Variants in NR2C2 observed in about 807,000 individuals in gnomAD.
NR2C2 encodes the protein nuclear receptor subfamily 2 group C member 2, also known as Nuclear hormone receptor TR4.
In NR2C2, 6 loss-of-function variants were observed where a neutral mutation model predicts 62.9. That is an observed-to-expected ratio of 0.10 (90% CI 0.05 to 0.19). The LOEUF (loss-of-function observed/expected upper bound fraction) is 0.19. Among genes scored for constraint, NR2C2 ranks in the 10% least tolerant of loss-of-function variants. The pLI, the probability that NR2C2 is intolerant of heterozygous loss-of-function variation, is 1.00. For missense variants in NR2C2, 479 were observed against 762.7 expected (o/e 0.63, Z 4.38); for synonymous variants, 272 against 273.8 (o/e 0.99, Z 0.07).
At chr3:15,042,220 A>C (rs1349629878) in intron 13 of NR2C2, among the ~76,000 whole-genome samples, 1 of 152,064 alleles carries the variant, frequency 6.6e-6, no homozygotes, top group Non-Finnish European at 1.5e-5. Flanking sequence ...ATTGTGGTGC[A>C]CCCTCCACCC....
Position 15,046,668 on chromosome 3 carries a change from G to C in NR2C2, c.*3660G>C, listed in dbSNP as rs749729709. The stretch of plus-strand genomic sequence containing the variant: ...CACTTTCCAGTGTAAATGACTTTAT[G>C]TGCAATGGGGTCATAGGTAACATTT... On this transcript the variant is annotated 3_prime_UTR_variant, in exon 14 of 14. Coordinates refer to ENST00000425241, the MANE Select transcript of NR2C2 (RefSeq NM_001291694.2). 2.6e-5 allele frequency: 4 copies of C among 152,360 alleles called. No homozygotes were observed. Among genetic ancestry groups the C allele is most frequent in the Non-Finnish European group, 4.4e-5 (3 of 68,052 alleles). The allele number at this position is 152,360 out of a possible 1,614,324, so 9.4% of individuals were successfully genotyped here.
chr3:15,019,107 T>G (rs1251929599), intron 4 of NR2C2, among the ~76,000 whole-genome samples: 1 of 150,052 alleles, frequency 6.7e-6, no homozygotes, highest in African/African-American at 2.5e-5. Context: ...ACACCTATAA[T>G]TCCAGCTACT....
chr3:15,015,351 G>A (rs7635580), intron 3 of NR2C2, among the ~76,000 whole-genome samples: 10,900 of 152,128 alleles, frequency 0.072, 429 homozygotes, highest in Middle Eastern at 0.099. Context: ...AATTGCTGTC[G>A]CCTAGAAAAT....
chr3:14,974,769 AATTTTTGT>A (rs1398994508), intron 1 of NR2C2, among the ~76,000 whole-genome samples: 17 of 152,108 alleles, frequency 1.1e-4, no homozygotes, highest in Admixed American at 1.0e-3. Flanking sequence ...ATGCCCGGCT[AATTTTTGT>A]ATTTTTACTA....
intron 2 of NR2C2, among the ~76,000 whole-genome samples, chr3:15,006,054 A>G (rs2041164933): frequency 6.6e-6 from 1 of 151,986 alleles, no homozygotes; most frequent in Non-Finnish European, 1.5e-5. Flanking sequence ...AAAAAACTAA[A>G]AAATTAGCCA....
At chr3:14,998,697 G>T (rs898604741) in intron 1 of NR2C2, among the ~76,000 whole-genome samples, 1 of 151,798 alleles carries the variant, frequency 6.6e-6, no homozygotes, top group Non-Finnish European at 1.5e-5. Flanking sequence ...TTCCTTGATG[G>T]TGTCTTTTGA....
intron 2 of NR2C2, among the ~76,000 whole-genome samples, chr3:15,008,804 C>G (rs1454118140): frequency 1.3e-5 from 2 of 152,136 alleles, no homozygotes; most frequent in Admixed American, 1.3e-4. Flanking sequence ...GTGATGAAAA[C>G]CACAGGACTG....
At chr3:14,978,636 T>C (rs570159855) in intron 1 of NR2C2, among the ~76,000 whole-genome samples, 2 of 152,246 alleles carry the variant, frequency 1.3e-5, no homozygotes, top group East Asian at 3.9e-4. Context: ...TGCCAGTCTT[T>C]TTGTCCTTGC....
intron 1 of NR2C2, among the ~76,000 whole-genome samples, chr3:14,989,141 G>C (rs78055401): frequency 6.6e-6 from 1 of 152,146 alleles, no homozygotes; most frequent in African/African-American, 2.4e-5. Flanking sequence ...AGGTGCTCTT[G>C]TCTCAAAGCC....
intron 1 of NR2C2, among the ~76,000 whole-genome samples, chr3:14,998,720 ATTAAT>A (rs1025494266): frequency 6.6e-6 from 1 of 152,142 alleles, no homozygotes; most frequent in Non-Finnish European, 1.5e-5. Context: ...CACAAAACTC[ATTAAT>A]TTGAGTTCAG....
At chr3:14,964,594 A>C (rs1254810582) in intron 1 of NR2C2, among the ~76,000 whole-genome samples, 1 of 151,602 alleles carries the variant, frequency 6.6e-6, no homozygotes, top group East Asian at 1.9e-4. Context: ...GGCTCACTGC[A>C]AGCTCTGCTT....
At chr3:14,958,340 C>CT (rs796559223) in intron 1 of NR2C2, among the ~76,000 whole-genome samples, 2,552 of 145,478 alleles carry the variant, frequency 0.018, 66 homozygotes, top group African/African-American at 0.058. Flanking sequence ...TTCTGTAGCA[C>CT]TTTTTTTTTT....
rs912854745 is a variant in NR2C2, at chr3:15,032,302, C to T, written c.1111-77C>T. On this transcript the variant is annotated intron_variant, in intron 9 of 13. Transcript: ENST00000425241. ...AGATGCCACTGCTATTGAAGCATGACAGGGATACATGTTGACAGACAAAGC... is the reference window on the plus strand; with the variant it reads ...AGATGCCACTGCTATTGAAGCATGATAGGGATACATGTTGACAGACAAAGC... The T allele has an allele frequency of 2.5e-5, 40 of 1,593,902 alleles. No homozygotes were observed. The African/African-American group carries it at 4.4e-4, about 18-fold the overall frequency.
intron 1 of NR2C2, among the ~76,000 whole-genome samples, chr3:14,963,530 G>A (rs1030276107): frequency 1.3e-5 from 2 of 151,892 alleles, no homozygotes; most frequent in East Asian, 1.9e-4. Flanking sequence ...GTGCAGTGGC[G>A]CGATCTCGGC....
chr3:15,035,367 A>C (rs2042079327), intron 11 of NR2C2, among the ~76,000 whole-genome samples: 1 of 152,272 alleles, frequency 6.6e-6, no homozygotes, highest in African/African-American at 2.4e-5. Flanking sequence ...TCATACGATT[A>C]ATATGAAGAA....
rs139112044 is a variant in NR2C2, at chr3:14,949,248, C to T, written c.-40+1342C>T. Among the ~76,000 whole-genome samples, 714 of 152,258 alleles carry T rather than the reference C, an allele frequency of 4.7e-3. 2 individuals carry two copies. Among genetic ancestry groups the T allele is most frequent in the African/African-American group, 0.016 (679 of 41,526 alleles). On this transcript the variant is annotated intron_variant, in intron 1 of 13. Coordinates refer to ENST00000425241, the MANE Select transcript of NR2C2 (RefSeq NM_001291694.2). ...CTGTGAAAGAAAAGAAGCCAAATGA[C>T]CTGCTGAAGAAGACCTGAGGCGTTA...
At chr3:14,995,336 A>C (rs2040802568) in intron 1 of NR2C2, among the ~76,000 whole-genome samples, 1 of 151,102 alleles carries the variant, frequency 6.6e-6, no homozygotes, top group African/African-American at 2.4e-5. Flanking sequence ...AAAAAAAAAA[A>C]ACCCCACACT....
chr3:14,951,315 A>C (rs2039349214), intron 1 of NR2C2, among the ~76,000 whole-genome samples: 1 of 152,220 alleles, frequency 6.6e-6, no homozygotes, highest in South Asian at 2.1e-4. Context: ...AATTATTGAA[A>C]ATCACCTTTT....
intron 4 of NR2C2, 105 bp from the exon 5 acceptor site, chr3:15,020,648 C>A: frequency 7.7e-7 from 1 of 1,299,832 alleles, no homozygotes; most frequent in Non-Finnish European, 1.1e-6. Context: ...CAGTGTATGG[C>A]ACCCATCACT....
Sources: gnomAD v4.1 joint callset for allele counts (sites outside exome capture counted in the v4.1 genomes callset) on GRCh38, gnomAD v4.1.1 for gene constraint, MANE v1.5 for transcripts, NCBI Gene and HGNC (gene_info 2026-07-23, HGNC 2026-07-21) for gene names.